The following CSMD2 variants were observed in gnomAD, a reference collection of about 807,000 sequenced individuals.
CSMD2 encodes the protein CUB and Sushi multiple domains 2, also known as CUB and sushi domain-containing protein 2.
A neutral mutation model predicts 398.5 loss-of-function variants in CSMD2; 130 were observed. That is an observed-to-expected ratio of 0.33 (90% CI 0.28 to 0.38). CSMD2 has a LOEUF of 0.38. Ranked by LOEUF, CSMD2 falls within the 10% of genes least tolerant of loss-of-function variation. The probability of loss-of-function intolerance (pLI) is 1.00; values close to 1 mark genes in which losing one functional copy is unlikely to be tolerated. For synonymous variants in CSMD2, 1,828 were observed against 1,908.5 expected (o/e 0.96, Z 1.10); for missense variants, 3,829 against 4,764.9 (o/e 0.80, Z 5.78).
intron 32 of CSMD2, among the ~76,000 whole-genome samples, chr1:33,632,274 T>C (rs1642508178): frequency 6.6e-6 from 1 of 152,066 alleles, no homozygotes; most frequent in Non-Finnish European, 1.5e-5. Flanking sequence ...CATTGATAGA[T>C]TTGATAGCAT....
chr1:33,940,404 T>G (rs1286961824), intron 3 of CSMD2, among the ~76,000 whole-genome samples: 1 of 152,100 alleles, frequency 6.6e-6, no homozygotes, highest in Non-Finnish European at 1.5e-5. Flanking sequence ...ACAGGGCTGT[T>G]GCGCAGATTA....
intron 40 of CSMD2, among the ~76,000 whole-genome samples, chr1:33,613,927 T>G (rs1325422828): frequency 1.3e-5 from 2 of 152,130 alleles, no homozygotes; most frequent in East Asian, 3.8e-4. Flanking sequence ...CCTAGCATAC[T>G]CCAGCTCCAA....
At chr1:33,800,196 A>G (rs1259774725) in intron 10 of CSMD2, among the ~76,000 whole-genome samples, 1 of 152,158 alleles carries the variant, frequency 6.6e-6, no homozygotes, top group Non-Finnish European at 1.5e-5. Flanking sequence ...CCATGAAAGG[A>G]AGGGAACTCA....
intron 2 of CSMD2, among the ~76,000 whole-genome samples, chr1:34,058,852 G>A (rs535266283): frequency 1.3e-5 from 2 of 152,290 alleles, no homozygotes; most frequent in South Asian, 2.1e-4. Flanking sequence ...ACATGAAGCC[G>A]TTTTACAAGC....
chr1:34,014,388 G>A lies in CSMD2; in HGVS notation c.517+18206C>T, dbSNP rs188954932. On this transcript the variant is annotated intron_variant, in intron 3 of 70. Transcript: ENST00000373381. ...AAGGCTGTGTGTGACCTGGTCCCTTGTCTCCAACTTTATCTCTTCCTACCA... is the reference window on the plus strand; with the variant it reads ...AAGGCTGTGTGTGACCTGGTCCCTTATCTCCAACTTTATCTCTTCCTACCA... Among the ~76,000 whole-genome samples the A allele has an allele frequency of 2.0e-5, 3 of 152,304 alleles. No individual in the cohort carries two copies. In the East Asian group the frequency reaches 5.8e-4, roughly 29 times the overall value.
At chr1:33,606,717 A>G (rs977431285) in intron 41 of CSMD2, among the ~76,000 whole-genome samples, 1 of 152,194 alleles carries the variant, frequency 6.6e-6, no homozygotes, top group African/African-American at 2.4e-5. Context: ...CGGGGAGAGA[A>G]GGAAGGGAGT....
Position 34,025,549 on chromosome 1 carries a change from T to C in CSMD2, c.517+7045A>G, listed in dbSNP as rs532550244. Reference sequence around the variant, plus strand: ...GGCATCTGTAAACTCCCTGTGAATCTTATGGAAGAGTTGTATTTGTGTGAG... The same window carrying C: ...GGCATCTGTAAACTCCCTGTGAATCCTATGGAAGAGTTGTATTTGTGTGAG... On this transcript the variant is annotated intron_variant, in intron 3 of 70. Transcript: ENST00000373381. 5.3e-5 allele frequency among the ~76,000 whole-genome samples: 8 copies of C among 152,328 alleles called. No homozygotes were observed. The East Asian group carries it at 1.5e-3, about 29-fold the overall frequency.
chr1:33,681,217 C>G (rs1644900333), intron 25 of CSMD2, among the ~76,000 whole-genome samples: 1 of 152,040 alleles, frequency 6.6e-6, no homozygotes, highest in South Asian at 2.1e-4. Flanking sequence ...AGACACCACG[C>G]CTGGCTGTGT....
intron 57 of CSMD2, among the ~76,000 whole-genome samples, chr1:33,543,228 C>T (rs1656533781): frequency 6.6e-6 from 1 of 152,228 alleles, no homozygotes; most frequent in Non-Finnish European, 1.5e-5. Flanking sequence ...CTTTTTTTAA[C>T]AGTTGATTTG....
chr1:33,709,301 C>T (rs751300153), intron 21 of CSMD2, 43 bp from the exon 22 acceptor site: 2 of 1,558,592 alleles, frequency 1.3e-6, no homozygotes, highest in Non-Finnish European at 1.7e-6. Flanking sequence ...CCCCCATCAG[C>T]TGCATCCAGA....
In CSMD2 at chr1:33,536,914, T is replaced by C; in HGVS notation, c.9879+108A>G. 6.5e-6 allele frequency: 7 copies of C among 1,072,918 alleles called. No homozygotes were observed. The South Asian group carries it at 6.8e-5, about 10-fold the overall frequency. 66.5% of individuals were successfully genotyped at this position (1,072,918 alleles called of 1,614,324 possible). ...CTTTCTTTCTGCGCTTTCCAAGCTCTTGTCCTCCCTGAGTGCTGTCCTGAG... is the reference window on the plus strand; with the variant it reads ...CTTTCTTTCTGCGCTTTCCAAGCTCCTGTCCTCCCTGAGTGCTGTCCTGAG... On this transcript the variant is annotated intron_variant, in intron 62 of 70. Coordinates refer to ENST00000373381, the MANE Select transcript of CSMD2 (RefSeq NM_001281956.2).
rs146822437 is a variant in CSMD2 at position 34,108,543 on chromosome 1, G to T, written c.188-19350C>A. ...TCCGGAACCGTAAATGTCCTCAGGG[G>T]AGGCTGTTTCTTCTGCTCCTAAGCC... On this transcript the variant is annotated intron_variant, in intron 1 of 70. Coordinates refer to ENST00000373381, the MANE Select transcript of CSMD2 (RefSeq NM_001281956.2). Among the ~76,000 whole-genome samples the T allele has an allele frequency of 9.8e-3, 1,495 of 152,316 alleles. 24 individuals carry two copies. Among genetic ancestry groups the T allele is most frequent in the African/African-American group, 0.034 (1,405 of 41,570 alleles).
At chr1:33,945,981 G>A (rs1351457413) in intron 3 of CSMD2, among the ~76,000 whole-genome samples, 2 of 152,154 alleles carry the variant, frequency 1.3e-5, no homozygotes, top group Non-Finnish European at 1.5e-5. Flanking sequence ...GCATAGTGGG[G>A]TAGAAAATTA....
chr1:33,679,708 TTTTA>T (rs1644840429), intron 25 of CSMD2, among the ~76,000 whole-genome samples: 1 of 152,200 alleles, frequency 6.6e-6, no homozygotes, highest in African/African-American at 2.4e-5. Context: ...GTTCAATTTA[TTTTA>T]TTTTTTACTT....
rs560338978 is a variant in CSMD2, at chr1:33,749,183, C to T, written c.1847-5577G>A. Among the ~76,000 whole-genome samples the T allele has an allele frequency of 4.5e-3, 670 of 148,042 alleles. 9 individuals are homozygous for T. Among genetic ancestry groups the T allele is most frequent in the African/African-American group, 0.015 (608 of 39,536 alleles). On this transcript the variant is annotated intron_variant, in intron 13 of 70. Coordinates refer to ENST00000373381, the MANE Select transcript of CSMD2 (RefSeq NM_001281956.2). ...CCTGATCTCGGCTCACTGCAGGCTC[C>T]ACCCCCCCAGGTTCACGCCATTCTC...
chr1:33,877,310 C>T (rs1428073426), intron 5 of CSMD2, among the ~76,000 whole-genome samples: 1 of 152,132 alleles, frequency 6.6e-6, no homozygotes, highest in Non-Finnish European at 1.5e-5. Context: ...ATTCCTGGGC[C>T]CAATGGCTCG....
intron 2 of CSMD2, among the ~76,000 whole-genome samples, chr1:34,054,667 G>A (rs559793111): frequency 3.3e-4 from 50 of 152,320 alleles, no homozygotes; most frequent in African/African-American, 1.2e-3. Flanking sequence ...GTGAACCCGG[G>A]AGGCGGAGCT....
chr1:33,562,678 A>G (rs1172249676), intron 53 of CSMD2, among the ~76,000 whole-genome samples: 2 of 152,196 alleles, frequency 1.3e-5, no homozygotes, highest in Non-Finnish European at 2.9e-5. Flanking sequence ...GTTTCTGTGA[A>G]GGGGTATGTT....
intron 25 of CSMD2, among the ~76,000 whole-genome samples, chr1:33,669,618 T>C (rs1465352445): frequency 5.9e-5 from 9 of 152,218 alleles, no homozygotes; most frequent in Admixed American, 5.9e-4. Flanking sequence ...AATGGCCCCA[T>C]GCCACTTGTA....
Sources: gnomAD v4.1 joint callset for allele counts (sites outside exome capture counted in the v4.1 genomes callset) on GRCh38, gnomAD v4.1.1 for gene constraint, MANE v1.5 for transcripts, NCBI Gene and HGNC (gene_info 2026-07-23, HGNC 2026-07-21) for gene names.